CHST9: variants seen among roughly 807,000 people sequenced by gnomAD.
CHST9 encodes GalNAc-4-sulfotransferase 2.
CHST9 carries 41 observed loss-of-function variants against 44.4 expected under a neutral mutation model. The observed-to-expected ratio is 0.92, with a 90% CI of 0.72 to 1.20. CHST9 has a LOEUF of 1.20. Among genes scored for constraint, CHST9 ranks in the 50% most tolerant of loss-of-function variants. The probability of loss-of-function intolerance (pLI) is 0.00; values close to 1 mark genes in which losing one functional copy is unlikely to be tolerated. For synonymous variants in CHST9, 171 were observed against 178.4 expected (o/e 0.96, Z 0.33); for missense variants, 504 against 516.5 (o/e 0.98, Z 0.23).
chr18:27,107,655 G>C (rs1012815082), intron 2 of CHST9, among the ~76,000 whole-genome samples: 1 of 152,054 alleles, frequency 6.6e-6, no homozygotes, highest in Non-Finnish European at 1.5e-5. Flanking sequence ...GTCTTTAGCC[G>C]ACACTTCTCA....
At position 27,185,138 on chromosome 18, in the gene CHST9, C is replaced by G. The variant is rs2058946409; in HGVS notation, c.-99G>C. 6.6e-6 allele frequency: 1 copy of G among 152,190 alleles called. No homozygotes were observed. The highest frequency in any genetic ancestry group is 1.5e-5 in the Non-Finnish European group (1 of 68,110). The allele number at this position is 152,190 out of a possible 1,614,324, so 9.4% of individuals were successfully genotyped here. A position where few individuals can be genotyped will look rare whatever the true frequency, so the allele number is the denominator to read the frequency against. Reference sequence around the variant, plus strand: ...AACCCCAGCCCCAGCGCGGTTACCTCGCGGGCCGCTGCCGGGCGCTTGCAG... The same window carrying G: ...AACCCCAGCCCCAGCGCGGTTACCTGGCGGGCCGCTGCCGGGCGCTTGCAG... On this transcript the variant is annotated splice_region_variant and 5_prime_UTR_variant, in exon 1 of 6. Coordinates refer to ENST00000618847, the MANE Select transcript of CHST9 (RefSeq NM_031422.6).
intron 4 of CHST9, among the ~76,000 whole-genome samples, chr18:26,950,639 C>T (rs1355940449): frequency 6.6e-6 from 1 of 152,132 alleles, no homozygotes; most frequent in African/African-American, 2.4e-5. Context: ...CCAAATATCA[C>T]ATGTTCTCAT....
In CHST9 at chr18:27,044,852, AT is replaced by A. The variant is rs368520027; in HGVS notation, c.160+3612del. Among the ~76,000 whole-genome samples, 411 of 151,844 alleles carry A rather than the reference AT, an allele frequency of 2.7e-3. 1 individual carries two copies. Among genetic ancestry groups the A allele is most frequent in the African/African-American group, 8.7e-3 (360 of 41,450 alleles). On this transcript the variant is annotated intron_variant, in intron 3 of 5. Coordinates refer to ENST00000618847, the MANE Select transcript of CHST9 (RefSeq NM_031422.6). The stretch of plus-strand genomic sequence containing the variant: ...GATTTTATTCAGTATCTACTTAACT[AT>A]TTTTTTTATCCTGAATGACTGCATG...
chr18:27,131,802 T>C (rs2058474130), intron 2 of CHST9, among the ~76,000 whole-genome samples: 1 of 152,364 alleles, frequency 6.6e-6, no homozygotes, highest in Admixed American at 6.5e-5. Flanking sequence ...CTAATCTTGC[T>C]ACACAGCATC....
chr18:26,933,523 A>G (rs571728240), intron 5 of CHST9: 1 of 153,530 alleles, frequency 6.5e-6, no homozygotes, highest in South Asian at 2.1e-4. Context: ...TTCCTTTCCT[A>G]TATTTAGACA....
chr18:27,058,466 G>C (rs1001276425), intron 2 of CHST9, among the ~76,000 whole-genome samples: 1 of 152,138 alleles, frequency 6.6e-6, no homozygotes, highest in Non-Finnish European at 1.5e-5. Context: ...TACCCAGTCG[G>C]ATACAGCAGA....
At chr18:26,994,006 C>T (rs1039469555) in intron 4 of CHST9, among the ~76,000 whole-genome samples, 17 of 152,162 alleles carry the variant, frequency 1.1e-4, no homozygotes, top group Non-Finnish European at 1.5e-4. Context: ...ATGGTCTTTC[C>T]TCTCTGCCCT....
chr18:27,177,273 T>TA (rs1258319541), intron 1 of CHST9, among the ~76,000 whole-genome samples: 1 of 151,934 alleles, frequency 6.6e-6, no homozygotes, highest in Non-Finnish European at 1.5e-5. Context: ...AAGAATCCTG[T>TA]AAAAAACTAA....
At chr18:27,032,209 TG>T (rs1191800388) in intron 3 of CHST9, among the ~76,000 whole-genome samples, 2 of 152,162 alleles carry the variant, frequency 1.3e-5, no homozygotes, top group Non-Finnish European at 2.9e-5. Flanking sequence ...CTCTGTGCTC[TG>T]TAGCCTGTGA....
At chr18:26,970,088 C>T (rs4093026) in intron 4 of CHST9, among the ~76,000 whole-genome samples, 97,768 of 151,954 alleles carry the variant, frequency 0.64, 31,869 homozygotes, top group African/African-American at 0.73. Flanking sequence ...GGTTGGGTGC[C>T]TAAAATTGCC....
intron 3 of CHST9, 42 bp from the exon 4 acceptor site, chr18:27,024,199 T>C (rs777572100): frequency 5.2e-6 from 8 of 1,541,462 alleles, no homozygotes; most frequent in South Asian, 1.2e-5. Flanking sequence ...TACCATCACA[T>C]CCAAAGACAT....
At chr18:26,917,739 C>CTT (rs766376469) in intron 5 of CHST9, among the ~76,000 whole-genome samples, 10 of 152,086 alleles carry the variant, frequency 6.6e-5, no homozygotes, top group Non-Finnish European at 1.3e-4. Flanking sequence ...GAGATTGAAA[C>CTT]TTTTATTGTT....
At chr18:27,140,614 T>G (rs1031754782) in intron 2 of CHST9, among the ~76,000 whole-genome samples, 8 of 152,196 alleles carry the variant, frequency 5.3e-5, no homozygotes, top group African/African-American at 1.9e-4. Flanking sequence ...AATGAGATCT[T>G]TTTCTTTCTT....
chr18:27,109,950 G>C (rs1391635283), intron 2 of CHST9, among the ~76,000 whole-genome samples: 1 of 152,218 alleles, frequency 6.6e-6, no homozygotes, highest in East Asian at 1.9e-4. Flanking sequence ...GATGAGCACA[G>C]AAATGGGAAA....
At chr18:27,051,555 T>C (rs2057567138) in intron 2 of CHST9, among the ~76,000 whole-genome samples, 1 of 152,148 alleles carries the variant, frequency 6.6e-6, no homozygotes, top group Admixed American at 6.5e-5. Flanking sequence ...AACTGAGGCC[T>C]CCTGTCAACT....
chr18:27,059,891 T>C (rs761146440), intron 2 of CHST9, among the ~76,000 whole-genome samples: 29 of 152,228 alleles, frequency 1.9e-4, no homozygotes, highest in Non-Finnish European at 3.4e-4. Context: ...CGATATTTCA[T>C]GGATAGAAGG....
intron 5 of CHST9, chr18:26,934,611 G>A (rs2055952420): frequency 6.6e-6 from 1 of 152,242 alleles, no homozygotes; most frequent in South Asian, 2.1e-4. Flanking sequence ...GGAAGCAGGA[G>A]GAAACCCGAA....
At chr18:26,953,971 T>G (rs2145136015) in intron 4 of CHST9, among the ~76,000 whole-genome samples, 1 of 152,342 alleles carries the variant, frequency 6.6e-6, no homozygotes, top group Non-Finnish European at 1.5e-5. Flanking sequence ...ATTATGAATC[T>G]ATTCCTCTTT....
intron 4 of CHST9, among the ~76,000 whole-genome samples, chr18:26,945,959 T>A (rs751985153): frequency 6.6e-6 from 1 of 152,182 alleles, no homozygotes; most frequent in Non-Finnish European, 1.5e-5. Context: ...TCATATGAGA[T>A]ACAGTAGAAG....
Sources: allele counts gnomAD v4.1 joint callset (sites outside exome capture counted in the v4.1 genomes callset), GRCh38; gene constraint gnomAD v4.1.1; transcripts MANE v1.5; gene names NCBI Gene and HGNC (gene_info 2026-07-23, HGNC 2026-07-21).